The following KAZN variants were observed in gnomAD, a reference collection of about 807,000 sequenced individuals.
KAZN encodes the protein kazrin, periplakin interacting protein.
KAZN carries 40 observed loss-of-function variants against 87.4 expected under a neutral mutation model. The observed-to-expected ratio is 0.46, with a 90% CI of 0.36 to 0.60. The LOEUF (loss-of-function observed/expected upper bound fraction) is 0.60, where lower values mean the gene tolerates loss of function less well. Among genes scored for constraint, KAZN ranks in the 20% least tolerant of loss-of-function variants. The pLI, the probability that KAZN is intolerant of heterozygous loss-of-function variation, is 0.00. For synonymous variants in KAZN, 466 were observed against 458.3 expected (o/e 1.02, Z -0.22); for missense variants, 898 against 1,073.9 (o/e 0.84, Z 2.29).
intron 2 of KAZN, among the ~76,000 whole-genome samples, chr1:14,521,347 C>G (rs1365974211): frequency 1.3e-5 from 2 of 152,202 alleles, no homozygotes; most frequent in Non-Finnish European, 2.9e-5. Flanking sequence ...CCCTCCAACC[C>G]TTCAGAATTG....
intron 1 of KAZN, among the ~76,000 whole-genome samples, chr1:13,944,912 T>G (rs1440173251): frequency 6.6e-6 from 1 of 152,012 alleles, no homozygotes; most frequent in African/African-American, 2.4e-5. Context: ...CTAGATGTTC[T>G]CAGTAACAAA....
intron 1 of KAZN, among the ~76,000 whole-genome samples, chr1:14,077,810 A>G (rs1259996043): frequency 6.6e-6 from 1 of 152,056 alleles, no homozygotes; most frequent in African/African-American, 2.4e-5. Context: ...CACGGAGAGA[A>G]GACACACCAA....
At chr1:14,306,004 C>T (rs1654898352) in intron 2 of KAZN, among the ~76,000 whole-genome samples, 1 of 152,148 alleles carries the variant, frequency 6.6e-6, no homozygotes, top group East Asian at 1.9e-4. Context: ...AAAGCACTCT[C>T]ATCTTTCCTG....
chr1:13,893,534 G>A (rs1638916033), exon 1 of KAZN: 1 of 1,399,598 alleles, frequency 7.1e-7, no homozygotes, highest in Admixed American at 2.8e-5. Flanking sequence ...CTTTGGGGGC[G>A]GGGACATTTT....
intron 2 of KAZN, among the ~76,000 whole-genome samples, chr1:14,203,802 G>C (rs1238630065): frequency 1.3e-5 from 2 of 152,202 alleles, no homozygotes; most frequent in Non-Finnish European, 2.9e-5. Context: ...GGTAGGGAGA[G>C]TGAAAGAATC....
At chr1:14,749,235 C>G (rs1644346151) in intron 1 of KAZN, among the ~76,000 whole-genome samples, 1 of 151,374 alleles carries the variant, frequency 6.6e-6, no homozygotes, top group Non-Finnish European at 1.5e-5. Flanking sequence ...TGGGCAGCAA[C>G]TAGCAATCAA....
chr1:14,573,452 C>A (rs547005799), intron 2 of KAZN, among the ~76,000 whole-genome samples: 2 of 152,062 alleles, frequency 1.3e-5, no homozygotes, highest in African/African-American at 2.4e-5. Context: ...TTCGAACCAG[C>A]CTGGCCAGCA....
chr1:14,666,311 C>T (rs935753633), intron 1 of KAZN, among the ~76,000 whole-genome samples: 8 of 152,046 alleles, frequency 5.3e-5, no homozygotes, highest in African/African-American at 1.4e-4. Flanking sequence ...TTCTTCTCCT[C>T]GCCCCCTTTC....
chr1:14,954,652 T>G (rs1662869837), intron 1 of KAZN, among the ~76,000 whole-genome samples: 1 of 152,156 alleles, frequency 6.6e-6, no homozygotes, highest in Admixed American at 6.5e-5. Flanking sequence ...TTTAATTAAT[T>G]TATACGTAAG....
At chr1:15,015,176 C>T (rs577474910) in intron 2 of KAZN, among the ~76,000 whole-genome samples, 46 of 148,140 alleles carry the variant, frequency 3.1e-4, no homozygotes, top group South Asian at 2.8e-3. Flanking sequence ...TTATTTGAGA[C>T]GGAGTCTCAC....
intron 1 of KAZN, among the ~76,000 whole-genome samples, chr1:14,177,307 G>C (rs1046358015): frequency 3.3e-5 from 3 of 92,072 alleles, no homozygotes; most frequent in Non-Finnish European, 6.2e-5. Context: ...TGAATTAAAA[G>C]ATGAGAAAGA....
chr1:14,956,751 T>G (rs1160483285), intron 1 of KAZN, among the ~76,000 whole-genome samples: 2 of 152,090 alleles, frequency 1.3e-5, no homozygotes, highest in African/African-American at 4.8e-5. Flanking sequence ...GGCAGGATGG[T>G]AGATTGAAGA....
chr1:13,937,818 A>G (rs145408130), intron 1 of KAZN, among the ~76,000 whole-genome samples: 1 of 152,260 alleles, frequency 6.6e-6, no homozygotes, highest in African/African-American at 2.4e-5. Context: ...TGACTTTGTT[A>G]AAGATCAGCT....
intron 1 of KAZN, among the ~76,000 whole-genome samples, chr1:14,888,714 C>T (rs982181134): frequency 1.3e-5 from 2 of 152,040 alleles, no homozygotes; most frequent in Non-Finnish European, 1.5e-5. Context: ...CTTATGCCGC[C>T]GTGACAAATG....
chr1:14,163,024 A>G (rs1191526098), intron 1 of KAZN, among the ~76,000 whole-genome samples: 2 of 149,340 alleles, frequency 1.3e-5, no homozygotes, highest in Non-Finnish European at 3.0e-5. Flanking sequence ...CTTCCATTTT[A>G]TTATTAGTAG....
chr1:14,346,568 G>A (rs1181455626), intron 2 of KAZN, among the ~76,000 whole-genome samples: 1 of 152,030 alleles, frequency 6.6e-6, no homozygotes, highest in Non-Finnish European at 1.5e-5. Context: ...TCTTCCTTGG[G>A]TTGAATTTTC....
At chr1:14,578,166 C>T (rs915068016) in intron 2 of KAZN, among the ~76,000 whole-genome samples, 1 of 152,034 alleles carries the variant, frequency 6.6e-6, no homozygotes, top group African/African-American at 2.4e-5. Flanking sequence ...GGGTCATATC[C>T]AAAATTTCCA....
intron 2 of KAZN, among the ~76,000 whole-genome samples, chr1:14,344,009 G>C (rs181922792): frequency 5.3e-5 from 8 of 152,130 alleles, no homozygotes; most frequent in Non-Finnish European, 1.2e-4. Context: ...CTAGGTGATA[G>C]ATCCAGAACC....
intron 1 of KAZN, among the ~76,000 whole-genome samples, chr1:14,910,638 T>G (rs1174239091): frequency 6.6e-6 from 1 of 152,174 alleles, no homozygotes; most frequent in Non-Finnish European, 1.5e-5. Flanking sequence ...GGAGGAACTA[T>G]GGCTCCAGCA....
Sources: gnomAD v4.1 joint callset for allele counts (sites outside exome capture counted in the v4.1 genomes callset) on GRCh38, gnomAD v4.1.1 for gene constraint, MANE v1.5 for transcripts, NCBI Gene and HGNC (gene_info 2026-07-23, HGNC 2026-07-21) for gene names.